Variants in LRRC31 observed in about 807,000 individuals in gnomAD.
LRRC31 encodes the protein leucine-rich repeat-containing protein 31.
LRRC31 carries 35 observed loss-of-function variants against 46.7 expected under a neutral mutation model. That is an observed-to-expected ratio of 0.75 (90% confidence interval 0.57 to 0.99). LRRC31 has a LOEUF of 0.99. Ranked by LOEUF, LRRC31 falls within the 50% of genes least tolerant of loss-of-function variation. LRRC31 has a pLI of 0.00. For synonymous variants in LRRC31, 236 were observed against 235.1 expected (o/e 1.00, Z -0.03); for missense variants, 613 against 626.1 (o/e 0.98, Z 0.22).
Position 169,857,345 on chromosome 3 carries a change from T to TATATATATATATAC in LRRC31, c.488-474_488-473insGTATATATATATAT, listed in dbSNP as rs1491209579. ...ATATATATATATATATATATATATA[T>TATATATATATATAC]ACACACACACACACACACACACACA... On this transcript the variant is annotated intron_variant, in intron 3 of 8. Coordinates refer to ENST00000316428, the MANE Select transcript of LRRC31 (RefSeq NM_024727.4). 2.1e-4 allele frequency among the ~76,000 whole-genome samples: 19 copies of TATATATATATATAC among 89,424 alleles called. No homozygotes were observed. The East Asian group carries it at 2.9e-3, about 14-fold the overall frequency. 58.7% of individuals were successfully genotyped at this position (89,424 alleles called of 152,430 possible).
rs1425281680 is a variant in LRRC31, at chr3:169,859,203, G to A, written c.487+1358C>T. ...CCAGCTACTTGGGAGGCTGAGGCAG[G>A]AGAATCACTTGAACCTGGGAGGCAG... On this transcript the variant is annotated intron_variant, in intron 3 of 8. Coordinates refer to ENST00000316428, the MANE Select transcript of LRRC31 (RefSeq NM_024727.4). 5.0e-4 allele frequency among the ~76,000 whole-genome samples: 75 copies of A among 150,530 alleles called. 3 individuals carry two copies. In the Admixed American group the frequency reaches 5.0e-3, roughly 10 times the overall value.
intron 1 of LRRC31, among the ~76,000 whole-genome samples, chr3:169,865,813 G>C (rs895058625): frequency 1.3e-5 from 2 of 152,098 alleles, no homozygotes; most frequent in African/African-American, 4.8e-5. Context: ...GGAAGAGTGG[G>C]AGTCATCCAG....
At chr3:169,858,724 C>G (rs1182631699) in intron 3 of LRRC31, among the ~76,000 whole-genome samples, 1 of 152,170 alleles carries the variant, frequency 6.6e-6, no homozygotes, top group Non-Finnish European at 1.5e-5. Flanking sequence ...GCACTAGAGG[C>G]TGGGCATGGT....
rs761782410 is a variant in LRRC31 at position 169,857,365 on chromosome 3, CACACAA to C, written c.488-499_488-494del. Among the ~76,000 whole-genome samples, 560 of 119,728 alleles carry C rather than the reference CACACAA, an allele frequency of 4.7e-3. 18 individuals are homozygous for C. The highest frequency in any genetic ancestry group is 0.026 in the East Asian group (68 of 2,594). 78.5% of individuals were successfully genotyped at this position (119,728 alleles called of 152,430 possible). ...ATATATACACACACACACACACACA[CACACAA>C]GTATATATATACACATATATACATA... On this transcript the variant is annotated intron_variant, in intron 3 of 8. Transcript: ENST00000316428.
intron 3 of LRRC31, among the ~76,000 whole-genome samples, chr3:169,858,595 A>T (rs148665141): frequency 1.4e-3 from 219 of 152,324 alleles, no homozygotes; most frequent in Non-Finnish European, 2.6e-3. Flanking sequence ...ACTTTACAGA[A>T]ATTGTTTAAT....
chr3:169,858,660 C>A (rs564119954), intron 3 of LRRC31, among the ~76,000 whole-genome samples: 1 of 152,104 alleles, frequency 6.6e-6, no homozygotes, highest in South Asian at 2.1e-4. Flanking sequence ...ATAAGAAAAC[C>A]GAGGCTCAGA....
intron 8 of LRRC31, among the ~76,000 whole-genome samples, chr3:169,842,868 AAATAT>A (rs1427509565): frequency 1.3e-5 from 2 of 152,206 alleles, no homozygotes; most frequent in Admixed American, 1.3e-4. Context: ...AAAATAACTT[AAATAT>A]ATTTAATGGT....
intron 7 of LRRC31, among the ~76,000 whole-genome samples, chr3:169,848,652 T>C (rs1228855525): frequency 2.6e-5 from 4 of 152,116 alleles, no homozygotes; most frequent in Non-Finnish European, 5.9e-5. Context: ...AGAGACGCTG[T>C]TTCACCATGT....
rs1211042766 is a variant in LRRC31, at chr3:169,854,985, A to T, written c.824-5T>A. ...CCAAATACCTAAAAGCAGCATCTAC[A>T]AAGAAAGTCAGAATCCCATTCTGGT... On this transcript the variant is annotated splice_region_variant and splice_polypyrimidine_tract_variant and intron_variant, in intron 5 of 8. Transcript: ENST00000316428. 6.2e-7 allele frequency: 1 copy of T among 1,604,960 alleles called. No individual in the cohort carries two copies. The highest frequency in any genetic ancestry group is 2.2e-5 in the East Asian group (1 of 44,820).
At chr3:169,852,456 G>T (rs1036957600) in intron 6 of LRRC31, among the ~76,000 whole-genome samples, 1 of 151,184 alleles carries the variant, frequency 6.6e-6, no homozygotes, top group Admixed American at 6.6e-5. Context: ...TATTTCAAGT[G>T]GTCATTGGGA....
chr3:169,851,384 G>A (rs1462163440), intron 7 of LRRC31, among the ~76,000 whole-genome samples: 1 of 152,176 alleles, frequency 6.6e-6, no homozygotes, highest in East Asian at 1.9e-4. Context: ...CTGCACTCCA[G>A]TCTGGGTGAC....
chr3:169,855,905 A>G (rs1780923653), intron 5 of LRRC31, among the ~76,000 whole-genome samples: 1 of 151,954 alleles, frequency 6.6e-6, no homozygotes, highest in Non-Finnish European at 1.5e-5. Context: ...AAAATATAAA[A>G]TATGTATATA....
At chr3:169,856,674 CTTT>C in intron 4 of LRRC31, 28 bp downstream of exon 4, 2 of 1,272,950 alleles carry the variant, frequency 1.6e-6, no homozygotes, top group South Asian at 1.5e-5. Context: ...GGCATCTTCA[CTTT>C]TTTTTTTTCT....
At position 169,854,806 on chromosome 3, in the gene LRRC31, T is replaced by C. The variant is rs921492518; in HGVS notation, c.991+7A>G. ...AGTCTTTCCTTTGCTCTGCAATATA[T>C]ACTTACTCAGTGACATCACGTCATC... On this transcript the variant is annotated splice_region_variant and intron_variant, in intron 6 of 8. Coordinates refer to ENST00000316428, the MANE Select transcript of LRRC31 (RefSeq NM_024727.4). 23 of 1,606,822 alleles carry C rather than the reference T, an allele frequency of 1.4e-5. No individual in the cohort carries two copies. Among genetic ancestry groups the C allele is most frequent in the Non-Finnish European group, 2.0e-5 (23 of 1,173,998 alleles).
chr3:169,839,302 T>G lies in LRRC31; in HGVS notation c.*680A>C, dbSNP rs1450866098. The G allele has an allele frequency of 6.6e-6, 1 of 152,256 alleles. No homozygotes were observed. Among genetic ancestry groups the G allele is most frequent in the Non-Finnish European group, 1.5e-5 (1 of 68,044 alleles). The allele number at this position is 152,256 out of a possible 1,614,324, so 9.4% of individuals were successfully genotyped here. A position where few individuals can be genotyped will look rare whatever the true frequency, so the allele number is the denominator to read the frequency against. On this transcript the variant is annotated 3_prime_UTR_variant, in exon 9 of 9. Transcript: ENST00000316428. ...TTCTAACAAGATATGTTTTTCATAC[T>G]GAGTTTTAGATTTTTAATCACTTTT... is the stretch of plus-strand genomic sequence containing the variant.
intron 8 of LRRC31, among the ~76,000 whole-genome samples, chr3:169,840,952 C>G (rs1293959694): frequency 6.6e-6 from 1 of 152,188 alleles, no homozygotes; most frequent in East Asian, 1.9e-4. Context: ...GAGATAACCA[C>G]GGAAAATGGG....
chr3:169,858,974 C>A (rs1781056780), intron 3 of LRRC31, among the ~76,000 whole-genome samples: 1 of 129,028 alleles, frequency 7.8e-6, no homozygotes, highest in South Asian at 2.5e-4. Flanking sequence ...CCACTGCACT[C>A]CAGCCTGGGT....
At chr3:169,865,384 C>T (rs1160129539) in intron 1 of LRRC31, among the ~76,000 whole-genome samples, 1 of 152,006 alleles carries the variant, frequency 6.6e-6, no homozygotes, top group Admixed American at 6.6e-5. Context: ...CCATGGGGGG[C>T]GCATTAGTAA....
chr3:169,869,031 C>G (rs1280896112), intron 1 of LRRC31, among the ~76,000 whole-genome samples: 2 of 151,584 alleles, frequency 1.3e-5, no homozygotes, highest in African/African-American at 4.8e-5. Flanking sequence ...CCGTTGTGCT[C>G]TTTTAGTTAT....
Sources: allele counts gnomAD v4.1 joint callset (sites outside exome capture counted in the v4.1 genomes callset), GRCh38; gene constraint gnomAD v4.1.1; transcripts MANE v1.5; gene names NCBI Gene and HGNC (gene_info 2026-07-23, HGNC 2026-07-21).